PRKG1: variants seen among roughly 807,000 people sequenced by gnomAD.
The protein encoded by PRKG1 is protein kinase cGMP-dependent 1.
Under a neutral mutation model 88.1 loss-of-function variants are expected in PRKG1, and 35 were observed. The ratio of observed to expected loss-of-function variants is 0.40; its 90% CI spans 0.30 to 0.53. The LOEUF (loss-of-function observed/expected upper bound fraction) is 0.53. PRKG1 is among the 20% of genes least tolerant of loss of function. The pLI is 0.59. For missense variants in PRKG1, 540 were observed against 839.8 expected, an observed-to-expected ratio of 0.64 and a Z score of 4.41; for synonymous variants, 303 against 292.5, an observed-to-expected ratio of 1.04 and a Z score of -0.37.
intron 7 of PRKG1, among the ~76,000 whole-genome samples, chr10:52,077,437 TAG>T (rs1207534763): frequency 1.3e-5 from 2 of 152,180 alleles, no homozygotes; most frequent in Non-Finnish European, 2.9e-5. Flanking sequence ...GAATTTTATA[TAG>T]AGATGACAGA....
chr10:51,517,593 C>T (rs1161738635), intron 3 of PRKG1, among the ~76,000 whole-genome samples: 1 of 152,196 alleles, frequency 6.6e-6, no homozygotes, highest in African/African-American at 2.4e-5. Flanking sequence ...CTTCTTCTGT[C>T]TTCGTGAACA....
intron 2 of PRKG1, among the ~76,000 whole-genome samples, chr10:51,196,062 G>T (rs186253601): frequency 6.6e-6 from 1 of 152,300 alleles, no homozygotes. Flanking sequence ...AGAAAGAGAA[G>T]GGAGGATCCT....
At chr10:51,635,015 A>G (rs1011415473) in intron 3 of PRKG1, among the ~76,000 whole-genome samples, 5 of 152,120 alleles carry the variant, frequency 3.3e-5, no homozygotes, top group African/African-American at 1.2e-4. Flanking sequence ...GGCTGACAAA[A>G]TAATATGCAC....
chr10:51,016,974 C>A (rs1564571581), intron 1 of PRKG1, among the ~76,000 whole-genome samples: 1 of 151,326 alleles, frequency 6.6e-6, no homozygotes. Context: ...GCCTATTATC[C>A]CCATTTTTAA....
chr10:51,632,889 G>A (rs1482128669), intron 3 of PRKG1, among the ~76,000 whole-genome samples: 7 of 152,086 alleles, frequency 4.6e-5, no homozygotes, highest in Non-Finnish European at 1.0e-4. Context: ...TAGTTTTCTT[G>A]GTTCCATTGT....
chr10:51,822,536 A>G (rs1470724545), intron 4 of PRKG1, among the ~76,000 whole-genome samples: 1 of 152,118 alleles, frequency 6.6e-6, no homozygotes, highest in African/African-American at 2.4e-5. Flanking sequence ...TGTCTTGTGC[A>G]ATTTTTGTAA....
At chr10:51,027,135 G>T (rs1014931240) in intron 1 of PRKG1, among the ~76,000 whole-genome samples, 1 of 152,174 alleles carries the variant, frequency 6.6e-6, no homozygotes, top group African/African-American at 2.4e-5. Flanking sequence ...CAAACCAACT[G>T]CTCTGGTGTG....
At chr10:51,774,444 T>G (rs2132551091) in intron 3 of PRKG1, among the ~76,000 whole-genome samples, 1 of 152,242 alleles carries the variant, frequency 6.6e-6, no homozygotes, top group Non-Finnish European at 1.5e-5. Flanking sequence ...ATCCTTACGG[T>G]TCTTTCCTTA....
In PRKG1 at chr10:51,848,559, A is replaced by G. The variant is rs73331382; in HGVS notation, c.698+43869A>G. Among the ~76,000 whole-genome samples, 879 of 152,234 alleles carry G rather than the reference A, an allele frequency of 5.8e-3. 15 individuals carry two copies. The highest frequency in any genetic ancestry group is 0.021 in the African/African-American group (854 of 41,540). ...AAACTTCTGTAAAATATGTTTTCAT[A>G]TGAATGTAGAATTATTTCCTAGAGA... On this transcript the variant is annotated intron_variant, in intron 4 of 17. Coordinates refer to ENST00000373980, the MANE Select transcript of PRKG1 (RefSeq NM_006258.4).
chr10:51,702,881 G>T (rs1319103222), intron 3 of PRKG1, among the ~76,000 whole-genome samples: 1 of 152,038 alleles, frequency 6.6e-6, no homozygotes, highest in Non-Finnish European at 1.5e-5. Context: ...GTTTTGTAGA[G>T]ACGGGGTTTC....
chr10:51,721,053 C>T (rs10762332), intron 3 of PRKG1, among the ~76,000 whole-genome samples: 66,760 of 150,710 alleles, frequency 0.44, 15,333 homozygotes, highest in Middle Eastern at 0.58. Flanking sequence ...CAAAAATAGA[C>T]AAAAAACCAA....
intron 3 of PRKG1, among the ~76,000 whole-genome samples, chr10:51,556,412 G>T (rs1837311708): frequency 1.0e-5 from 1 of 99,786 alleles, no homozygotes; most frequent in African/African-American, 2.6e-5. Context: ...TTTTTGCATG[G>T]TATGATACTT....
chr10:52,083,613 C>T (rs1053273178), intron 7 of PRKG1, among the ~76,000 whole-genome samples: 2 of 151,956 alleles, frequency 1.3e-5, no homozygotes, highest in Admixed American at 6.6e-5. Flanking sequence ...TGTAAAATTG[C>T]CGCTTTGAGT....
intron 3 of PRKG1, among the ~76,000 whole-genome samples, chr10:51,678,409 T>A (rs1416458861): frequency 6.6e-6 from 1 of 152,158 alleles, no homozygotes; most frequent in Non-Finnish European, 1.5e-5. Flanking sequence ...AATAATAAAT[T>A]GAATAAAAAT....
At chr10:52,284,712 G>GA (rs1842075107) in intron 14 of PRKG1, among the ~76,000 whole-genome samples, 1 of 152,040 alleles carries the variant, frequency 6.6e-6, no homozygotes, top group South Asian at 2.1e-4. Context: ...GCTGGACCTT[G>GA]AAAAAGCAAA....
intron 1 of PRKG1, among the ~76,000 whole-genome samples, chr10:51,013,550 C>T (rs1045460838): frequency 6.6e-6 from 1 of 152,138 alleles, no homozygotes; most frequent in African/African-American, 2.4e-5. Flanking sequence ...GCCACCACAC[C>T]TGGCTAAGTT....
chr10:51,315,604 A>T (rs1841298721), intron 2 of PRKG1, among the ~76,000 whole-genome samples: 1 of 152,208 alleles, frequency 6.6e-6, no homozygotes, highest in African/African-American at 2.4e-5. Flanking sequence ...CTTATAAGCA[A>T]TCCTGTAGGA....
intron 2 of PRKG1, among the ~76,000 whole-genome samples, chr10:51,348,963 A>G (rs1842176174): frequency 6.6e-6 from 1 of 152,186 alleles, no homozygotes; most frequent in Non-Finnish European, 1.5e-5. Context: ...CTAGGAAGAT[A>G]TAAAATAGCT....
At chr10:51,191,543 A>G (rs1837631171) in intron 2 of PRKG1, among the ~76,000 whole-genome samples, 1 of 151,838 alleles carries the variant, frequency 6.6e-6, no homozygotes, top group Admixed American at 6.6e-5. Context: ...CTAACTGTCA[A>G]AGTAATATGG....
Sources: allele counts gnomAD v4.1 joint callset (sites outside exome capture counted in the v4.1 genomes callset), GRCh38; gene constraint gnomAD v4.1.1; transcripts MANE v1.5; gene names NCBI Gene and HGNC (gene_info 2026-07-23, HGNC 2026-07-21).